NTN4: variants seen among roughly 807,000 people sequenced by gnomAD.
NTN4 encodes the protein netrin 4.
A neutral mutation model predicts 73.6 loss-of-function variants in NTN4; 32 were observed. The ratio of observed to expected loss-of-function variants is 0.44; its 90% CI spans 0.33 to 0.58. The LOEUF is 0.58. Ranked by LOEUF, NTN4 falls within the 20% of genes least tolerant of loss-of-function variation. NTN4 has a pLI of 0.04. For missense variants in NTN4, 654 were observed against 798.3 expected, an observed-to-expected ratio of 0.82 and a Z score of 2.18; for synonymous variants, 258 against 287.5, an observed-to-expected ratio of 0.90 and a Z score of 1.04.
intron 2 of NTN4, among the ~76,000 whole-genome samples, chr12:95,757,418 C>A (rs2078953966): frequency 6.6e-6 from 1 of 152,004 alleles, no homozygotes; most frequent in South Asian, 2.1e-4. Context: ...TACATCACAG[C>A]TGACTTTGTT....
chr12:95,754,719 C>T (rs1027905108), intron 2 of NTN4, among the ~76,000 whole-genome samples: 1 of 152,132 alleles, frequency 6.6e-6, no homozygotes, highest in African/African-American at 2.4e-5. Context: ...AGAACAACCC[C>T]CTTTGACTGT....
rs543675857 is a variant in NTN4, at chr12:95,687,825, C to T, written c.1181-4114G>A. On this transcript the variant is annotated intron_variant, in intron 5 of 9. Coordinates refer to ENST00000343702, the MANE Select transcript of NTN4 (RefSeq NM_021229.4). ...TGTCTTTGGGGCCCCAGAACAGTGT[C>T]TGGTACATCATAGATGCCCTAATCA... Among the ~76,000 whole-genome samples, 36 of 152,236 alleles carry T rather than the reference C, an allele frequency of 2.4e-4. 2 individuals are homozygous for T. The highest frequency in any genetic ancestry group is 2.3e-3 in the Admixed American group (35 of 15,298).
rs141651461 is a variant in NTN4 at position 95,688,856 on chromosome 12, T to C, written c.1181-5145A>G. ...AACAGTGCAGAATGCTCAAGTCACA[T>C]ACGATGGACAATAGGCCAGCAACAC... On this transcript the variant is annotated intron_variant, in intron 5 of 9. Coordinates refer to ENST00000343702, the MANE Select transcript of NTN4 (RefSeq NM_021229.4). Among the ~76,000 whole-genome samples, 460 of 151,314 alleles carry C rather than the reference T, an allele frequency of 3.0e-3. 2 individuals are homozygous for C. The highest frequency in any genetic ancestry group is 0.01 in the African/African-American group (424 of 41,252).
intron 5 of NTN4, among the ~76,000 whole-genome samples, chr12:95,694,718 C>A (rs2078428208): frequency 6.6e-6 from 1 of 152,026 alleles, no homozygotes; most frequent in Admixed American, 6.6e-5. Flanking sequence ...CTGTGAAAGG[C>A]CATATGGTAC....
At chr12:95,702,763 A>G (rs1215869767) in intron 5 of NTN4, among the ~76,000 whole-genome samples, 2 of 151,344 alleles carry the variant, frequency 1.3e-5, no homozygotes, top group Non-Finnish European at 2.9e-5. Context: ...CACTCAATAA[A>G]TGTTTTCTGA....
chr12:95,688,138 A>G lies in NTN4; in HGVS notation c.1181-4427T>C, dbSNP rs190372545. ...CGGTTACAATTGAATTTTGACAGAC[A>G]CTTTGGAGGCATTGTATAGACTAGA... On this transcript the variant is annotated intron_variant, in intron 5 of 9. Transcript: ENST00000343702. Among the ~76,000 whole-genome samples the G allele has an allele frequency of 2.6e-3, 391 of 152,292 alleles. 6 individuals are homozygous for G. Among genetic ancestry groups the G allele is most frequent in the African/African-American group, 9.0e-3 (376 of 41,568 alleles).
intron 5 of NTN4, among the ~76,000 whole-genome samples, chr12:95,685,178 C>CT (rs1285858769): frequency 6.6e-6 from 1 of 152,156 alleles, no homozygotes; most frequent in East Asian, 1.9e-4. Flanking sequence ...CCCATCAACT[C>CT]TATTTATTCA....
At chr12:95,776,803 A>T (rs1029743673) in intron 2 of NTN4, among the ~76,000 whole-genome samples, 3 of 152,208 alleles carry the variant, frequency 2.0e-5, no homozygotes, top group Non-Finnish European at 4.4e-5. Flanking sequence ...TTCAGGAAAT[A>T]CAGAGAACAC....
At chr12:95,673,868 T>C (rs1181160007) in intron 7 of NTN4, 1 of 152,252 alleles carries the variant, frequency 6.6e-6, no homozygotes, top group African/African-American at 2.4e-5. Flanking sequence ...CAAGTGTGTC[T>C]TTCACTGACT....
chr12:95,739,630 A>C (rs1051455629), intron 2 of NTN4, among the ~76,000 whole-genome samples: 7 of 152,202 alleles, frequency 4.6e-5, no homozygotes, highest in African/African-American at 7.2e-5. Context: ...AGACAGGAAG[A>C]ACCCTTGCTC....
At chr12:95,778,811 T>G (rs2079112463) in intron 2 of NTN4, among the ~76,000 whole-genome samples, 1 of 152,228 alleles carries the variant, frequency 6.6e-6, no homozygotes, top group Non-Finnish European at 1.5e-5. Flanking sequence ...ACTCATTTTA[T>G]GAGTCCAGCA....
intron 3 of NTN4, among the ~76,000 whole-genome samples, chr12:95,725,654 A>G (rs756281774): frequency 2.0e-5 from 3 of 152,176 alleles, no homozygotes; most frequent in African/African-American, 7.2e-5. Flanking sequence ...CCCTGATTGT[A>G]GTACAAGAAG....
chr12:95,755,701 T>C (rs1428953941), intron 2 of NTN4, among the ~76,000 whole-genome samples: 1 of 152,202 alleles, frequency 6.6e-6, no homozygotes, highest in Non-Finnish European at 1.5e-5. Flanking sequence ...TCAAGTGACT[T>C]ACTTGTACGA....
chr12:95,721,474 T>C lies in NTN4; in HGVS notation c.865-8136A>G, dbSNP rs1245503036. Among the ~76,000 whole-genome samples the C allele has an allele frequency of 3.3e-5, 5 of 152,204 alleles. No individual in the cohort carries two copies. In the East Asian group the frequency reaches 5.8e-4, roughly 18 times the overall value. On this transcript the variant is annotated intron_variant, in intron 3 of 9. Coordinates refer to ENST00000343702, the MANE Select transcript of NTN4 (RefSeq NM_021229.4). Reference sequence around the variant, plus strand: ...GCGCACTGGAGATTCTGATGCCTTCTAGGGGAATTTCCAGGCCACTGCAAG... The same window carrying C: ...GCGCACTGGAGATTCTGATGCCTTCCAGGGGAATTTCCAGGCCACTGCAAG...
rs555782647 is a variant in NTN4, at chr12:95,660,576, C to A, written c.1751-1354G>T. 3.9e-5 allele frequency among the ~76,000 whole-genome samples: 6 copies of A among 152,190 alleles called. No homozygotes were observed. In the East Asian group the frequency reaches 1.2e-3, roughly 29 times the overall value. On this transcript the variant is annotated intron_variant, in intron 9 of 9. Coordinates refer to ENST00000343702, the MANE Select transcript of NTN4 (RefSeq NM_021229.4). ...TATCCAAGAAATGAAAGGACAGTCT[C>A]ATCACCTATAGATTAGTAAAAAGAA...
chr12:95,693,225 C>T (rs182791486), intron 5 of NTN4, among the ~76,000 whole-genome samples: 1 of 150,430 alleles, frequency 6.6e-6, no homozygotes, highest in Non-Finnish European at 1.5e-5. Flanking sequence ...AGCATTATAC[C>T]CGAGGTAGTT....
intron 7 of NTN4, among the ~76,000 whole-genome samples, chr12:95,680,034 C>G (rs368963684): frequency 3.3e-5 from 5 of 152,302 alleles, no homozygotes; most frequent in African/African-American, 1.2e-4. Flanking sequence ...TTTCAAAGGG[C>G]TTACCCTGAT....
chr12:95,721,071 C>G (rs2078644312), intron 3 of NTN4, among the ~76,000 whole-genome samples: 1 of 152,252 alleles, frequency 6.6e-6, no homozygotes, highest in South Asian at 2.1e-4. Flanking sequence ...CAGTCTCACT[C>G]TAGCATCCTC....
intron 5 of NTN4, among the ~76,000 whole-genome samples, chr12:95,704,990 T>G (rs2078512726): frequency 6.6e-6 from 1 of 152,246 alleles, no homozygotes; most frequent in Admixed American, 6.5e-5. Flanking sequence ...TTAAGTACCA[T>G]CCAAGTATTT....
Sources: gnomAD v4.1 joint callset for allele counts (sites outside exome capture counted in the v4.1 genomes callset) on GRCh38, gnomAD v4.1.1 for gene constraint, MANE v1.5 for transcripts, NCBI Gene and HGNC (gene_info 2026-07-23, HGNC 2026-07-21) for gene names.